The following VPS8 variants were observed in gnomAD, a reference collection of about 807,000 sequenced individuals.
The protein encoded by VPS8 is VPS8 subunit of CORVET complex.
VPS8 carries 129 observed loss-of-function variants against 216.4 expected under a neutral mutation model. The ratio of observed to expected loss-of-function variants is 0.60; its 90% CI spans 0.52 to 0.69. VPS8 has a LOEUF of 0.69. Among genes scored for constraint, VPS8 ranks in the 30% least tolerant of loss-of-function variants. VPS8 has a pLI of 0.00. For synonymous variants in VPS8, 571 were observed against 565.4 expected (o/e 1.01, Z -0.14); for missense variants, 1,531 against 1,683.5 (o/e 0.91, Z 1.59).
intron 21 of VPS8, among the ~76,000 whole-genome samples, chr3:184,877,805 TAATTTATGAGTTTTGGGAGG>T (rs1274647015): frequency 2.0e-5 from 3 of 152,194 alleles, no homozygotes; most frequent in Non-Finnish European, 2.9e-5. Context: ...GAGGACTAAG[TAATTTATGAGTTTTGGGAGG>T]ATATTGAAAT....
chr3:184,920,456 C>G (rs1578246088), intron 29 of VPS8, among the ~76,000 whole-genome samples: 1 of 152,148 alleles, frequency 6.6e-6, no homozygotes, highest in East Asian at 1.9e-4. Flanking sequence ...GTGATAATTG[C>G]TATGTTAGTA....
chr3:184,842,141 C>T (rs553241441), intron 7 of VPS8, among the ~76,000 whole-genome samples: 238 of 133,254 alleles, frequency 1.8e-3, no homozygotes, highest in African/African-American at 6.6e-3. Context: ...GAGCCGAGAT[C>T]GCGCCACTGC....
chr3:184,919,998 A>G (rs1231589592), intron 28 of VPS8, 129 bp from the exon 29 acceptor site: 1 of 680,914 alleles, frequency 1.5e-6, no homozygotes, highest in Non-Finnish European at 2.4e-6. Flanking sequence ...TGTATAAGAC[A>G]AAACCTAATG....
chr3:184,925,029 G>T lies in VPS8; in HGVS notation c.2574+48G>T, dbSNP rs529164933. 1.4e-4 allele frequency: 217 copies of T among 1,567,778 alleles called. 2 individuals carry two copies. The South Asian group carries it at 2.3e-3, about 17-fold the overall frequency. On this transcript the variant is annotated intron_variant, in intron 30 of 47. Transcript: ENST00000625842. ...TAAAAGGTTTTTTCCTGTTTACTGC[G>T]CACAGTTCCCTGGATTACACTGTTT...
intron 45 of VPS8, among the ~76,000 whole-genome samples, chr3:185,017,666 A>G (rs1034737354): frequency 6.6e-6 from 1 of 152,220 alleles, no homozygotes; most frequent in Non-Finnish European, 1.5e-5. Context: ...GCAAGGGTCC[A>G]CAGAGCCCTG....
Position 185,052,053 on chromosome 3 carries a change from A to C in VPS8, c.*28A>C. On this transcript the variant is annotated 3_prime_UTR_variant, in exon 48 of 48. Coordinates refer to ENST00000625842, the MANE Select transcript of VPS8 (RefSeq NM_001009921.3). ...ACTCCATGGAGCCTGGCCCAGGAGA[A>C]CCAGAGATGATCCCGAGGCAGCTGG... The C allele has an allele frequency of 6.3e-7, 1 of 1,598,332 alleles. No homozygotes were observed. Among genetic ancestry groups the C allele is most frequent in the Non-Finnish European group, 8.5e-7 (1 of 1,172,702 alleles).
chr3:184,969,629 C>T (rs889565066), intron 39 of VPS8, among the ~76,000 whole-genome samples: 3 of 150,000 alleles, frequency 2.0e-5, no homozygotes, highest in South Asian at 2.1e-4. Context: ...GGGGTTTCAC[C>T]ATGTTGGCCA....
intron 46 of VPS8, among the ~76,000 whole-genome samples, chr3:185,034,103 C>T (rs1489701639): frequency 1.3e-5 from 2 of 152,076 alleles, no homozygotes; most frequent in African/African-American, 2.4e-5. Flanking sequence ...TCCATGTGTG[C>T]TCGATGTTTA....
chr3:184,837,252 T>C (rs1721271967), intron 5 of VPS8, among the ~76,000 whole-genome samples: 1 of 151,816 alleles, frequency 6.6e-6, no homozygotes, highest in Non-Finnish European at 1.5e-5. Flanking sequence ...TCTGATTCCA[T>C]TATTCAGGTT....
rs749065576 is a variant in VPS8 at position 184,862,875 on chromosome 3, T to G, written c.1225-22T>G. 28 of 1,600,404 alleles carry G rather than the reference T, an allele frequency of 1.7e-5. No individual in the cohort carries two copies. The South Asian group carries it at 1.8e-4, about 10-fold the overall frequency. On this transcript the variant is annotated intron_variant, in intron 15 of 47. Coordinates refer to ENST00000625842, the MANE Select transcript of VPS8 (RefSeq NM_001009921.3). The stretch of plus-strand genomic sequence containing the variant: ...AAGCGGGTGTGGTCTCACTTTTGTT[T>G]TGTTGTGTGCTTGAATTACAGTGGA...
chr3:184,841,378 A>T (rs770951412), intron 7 of VPS8, among the ~76,000 whole-genome samples: 3 of 152,186 alleles, frequency 2.0e-5, no homozygotes, highest in Non-Finnish European at 2.9e-5. Flanking sequence ...ATATCTTTCC[A>T]TGCAGTTATA....
intron 8 of VPS8, among the ~76,000 whole-genome samples, chr3:184,848,238 T>C (rs189615848): frequency 6.6e-6 from 1 of 152,294 alleles, no homozygotes; most frequent in Admixed American, 6.5e-5. Context: ...AATTTTGATG[T>C]TTGAAATAAT....
chr3:184,883,584 G>T (rs902363082), intron 21 of VPS8, among the ~76,000 whole-genome samples: 1 of 152,002 alleles, frequency 6.6e-6, no homozygotes, highest in Non-Finnish European at 1.5e-5. Flanking sequence ...TTTTGTCCAC[G>T]GTTCTTTATA....
In VPS8 at chr3:184,996,229, T is replaced by A. The variant is rs1193687849; in HGVS notation, c.3667-103T>A. Reference sequence around the variant, plus strand: ...TTATAGTGTGTTTCAATTTTAGCTGTTGGTAGTTGAAAACTAAACAAGTGC... The same window carrying A: ...TTATAGTGTGTTTCAATTTTAGCTGATGGTAGTTGAAAACTAAACAAGTGC... On this transcript the variant is annotated intron_variant, in intron 43 of 47. Transcript: ENST00000625842. 4 of 1,335,130 alleles carry A rather than the reference T, an allele frequency of 3.0e-6. No individual in the cohort carries two copies. In the Admixed American group the frequency reaches 1.1e-4, roughly 38 times the overall value. 82.7% of individuals were successfully genotyped at this position (1,335,130 alleles called of 1,614,324 possible).
intron 46 of VPS8, among the ~76,000 whole-genome samples, chr3:185,033,143 C>T (rs1470296996): frequency 2.6e-5 from 4 of 152,070 alleles, no homozygotes; most frequent in Non-Finnish European, 5.9e-5. Context: ...ACATTATTAA[C>T]TAAAGTCCAT....
chr3:184,901,612 A>G (rs1473560882), intron 25 of VPS8, among the ~76,000 whole-genome samples: 1 of 152,034 alleles, frequency 6.6e-6, no homozygotes, highest in Non-Finnish European at 1.5e-5. Flanking sequence ...AGTTTCCCCA[A>G]TGATAACATC....
intron 31 of VPS8, among the ~76,000 whole-genome samples, chr3:184,927,632 ATCAGTGG>A (rs1388335763): frequency 6.6e-6 from 1 of 152,178 alleles, no homozygotes; most frequent in Non-Finnish European, 1.5e-5. Context: ...AAGTGTATAC[ATCAGTGG>A]TATTCACATT....
intron 29 of VPS8, among the ~76,000 whole-genome samples, chr3:184,923,568 T>C (rs918898051): frequency 4.6e-5 from 7 of 152,218 alleles, no homozygotes; most frequent in Admixed American, 3.3e-4. Flanking sequence ...AGCACAATAC[T>C]GGTCATGATG....
In VPS8 at chr3:184,999,686, C is replaced by T. The variant is rs1320561548; in HGVS notation, c.3837-10C>T. 10 of 1,596,978 alleles carry T rather than the reference C, an allele frequency of 6.3e-6. No individual in the cohort carries two copies. Among genetic ancestry groups the T allele is most frequent in the East Asian group, 2.2e-5 (1 of 44,796 alleles). Reference sequence around the variant, plus strand: ...ATAAAAAGTACAAATTGGTTGCCTTCGTTTTGCAGCTGTGGCCATTTGTAT... The same window carrying T: ...ATAAAAAGTACAAATTGGTTGCCTTTGTTTTGCAGCTGTGGCCATTTGTAT... On this transcript the variant is annotated splice_polypyrimidine_tract_variant and intron_variant, in intron 44 of 47. Transcript: ENST00000625842.
Sources: gnomAD v4.1 joint callset for allele counts (sites outside exome capture counted in the v4.1 genomes callset) on GRCh38, gnomAD v4.1.1 for gene constraint, MANE v1.5 for transcripts, NCBI Gene and HGNC (gene_info 2026-07-23, HGNC 2026-07-21) for gene names.